ELN: variants seen among roughly 807,000 people sequenced by gnomAD.
ELN encodes the protein tropoelastin.
A neutral mutation model predicts 105.8 loss-of-function variants in ELN; 65 were observed. That is an observed-to-expected ratio of 0.61 (90% confidence interval 0.50 to 0.75). The LOEUF (loss-of-function observed/expected upper bound fraction) is 0.75. ELN is among the 30% of genes least tolerant of loss of function. The probability of loss-of-function intolerance (pLI) is 0.00; values close to 1 mark genes in which losing one functional copy is unlikely to be tolerated. For missense variants in ELN, 882 were observed against 969.4 expected (o/e 0.91, Z 1.20); for synonymous variants, 368 against 389.2 (o/e 0.95, Z 0.64).
At chr7:74,061,167 C>T in intron 26 of ELN, 28 bp downstream of exon 26, 1 of 1,613,820 alleles carries the variant, frequency 6.2e-7, no homozygotes, top group African/African-American at 1.3e-5. Context: ...CCACTTGTGG[C>T]TCCCTTGCCA....
At chr7:74,032,633 C>T (rs1788963781) in intron 1 of ELN, among the ~76,000 whole-genome samples, 1 of 152,194 alleles carries the variant, frequency 6.6e-6, no homozygotes, top group Admixed American at 6.5e-5. Context: ...TTGGCAAATG[C>T]CACCATCATC....
At chr7:74,047,791 C>A in intron 13 of ELN, 75 bp downstream of exon 13, 1 of 1,605,044 alleles carries the variant, frequency 6.2e-7, no homozygotes, top group Non-Finnish European at 8.5e-7. Context: ...TGCTGTGCTT[C>A]CAGCCCTGGG....
intron 1 of ELN, among the ~76,000 whole-genome samples, chr7:74,029,988 G>C (rs529179466): frequency 1.3e-5 from 2 of 152,178 alleles, no homozygotes; most frequent in African/African-American, 2.4e-5. Context: ...AAGGCTTGGG[G>C]CTGAGTCCTT....
At chr7:74,044,133 C>T (rs936620122) in intron 9 of ELN, among the ~76,000 whole-genome samples, 2 of 151,906 alleles carry the variant, frequency 1.3e-5, no homozygotes, top group African/African-American at 2.4e-5. Flanking sequence ...CCCAGCTACT[C>T]GGGAGGCTGA....
At chr7:74,057,604 AG>A (rs1563842857) in intron 21 of ELN, 35 bp from the exon 22 acceptor site, 2 of 1,612,976 alleles carry the variant, frequency 1.2e-6, no homozygotes, top group South Asian at 2.2e-5. Context: ...GGGGTGTGAG[AG>A]ATTACTCTCT....
intron 31 of ELN, 34 bp downstream of exon 31, chr7:74,066,031 G>A (rs1797868894): frequency 6.2e-7 from 1 of 1,613,898 alleles, no homozygotes; most frequent in Non-Finnish European, 8.5e-7. Flanking sequence ...GTAGTCCTCA[G>A]CTCTGTCCCG....
intron 8 of ELN, chr7:74,043,540 C>T (rs782590679): frequency 1.5e-6 from 1 of 669,380 alleles, no homozygotes; most frequent in South Asian, 1.5e-5. Context: ...TTCTGCCCCA[C>T]CAAGCCCTTT....
At chr7:74,037,587 G>A in intron 3 of ELN, 120 bp from the exon 4 acceptor site, 1 of 1,441,902 alleles carries the variant, frequency 6.9e-7, no homozygotes, top group South Asian at 1.2e-5. Context: ...CCAAGTCTGA[G>A]CGGGAGGACC....
At chr7:74,031,330 A>C (rs1181365330) in intron 1 of ELN, among the ~76,000 whole-genome samples, 1 of 152,240 alleles carries the variant, frequency 6.6e-6, no homozygotes, top group Non-Finnish European at 1.5e-5. Context: ...GGGGAAAAAA[A>C]GCATCAAATA....
At chr7:74,065,173 C>T (rs571218589) in intron 29 of ELN, among the ~76,000 whole-genome samples, 4 of 152,056 alleles carry the variant, frequency 2.6e-5, no homozygotes, top group South Asian at 2.1e-4. Flanking sequence ...CACTTGAACC[C>T]GGGAGTTCAG....
At chr7:74,064,379 C>T (rs1372311462) in intron 29 of ELN, among the ~76,000 whole-genome samples, 4 of 150,092 alleles carry the variant, frequency 2.7e-5, no homozygotes, top group Non-Finnish European at 5.9e-5. Context: ...CGCGCCACTG[C>T]ACTCCAGCCT....
At chr7:74,040,102 C>T (rs1554667635) in intron 4 of ELN, among the ~76,000 whole-genome samples, 1 of 152,192 alleles carries the variant, frequency 6.6e-6, no homozygotes. Flanking sequence ...AGGCTGGGAT[C>T]ATGGGAAAAA....
intron 32 of ELN, 65 bp from the exon 33 acceptor site, chr7:74,068,592 G>A (rs1156656286): frequency 6.2e-7 from 1 of 1,601,826 alleles, no homozygotes; most frequent in Non-Finnish European, 8.6e-7. Context: ...GTCAGAGCAG[G>A]CGGGGATTAG....
chr7:74,031,175 A>G (rs573618104), intron 1 of ELN, among the ~76,000 whole-genome samples: 1 of 152,126 alleles, frequency 6.6e-6, no homozygotes, highest in South Asian at 2.1e-4. Flanking sequence ...ATGGCCCTAC[A>G]TGTGACTTGG....
chr7:74,034,658 T>A (rs1250230587), intron 1 of ELN, among the ~76,000 whole-genome samples: 7 of 152,092 alleles, frequency 4.6e-5, no homozygotes, highest in Admixed American at 3.9e-4. Context: ...TGAGCTGAGA[T>A]CTTGCTACTG....
At chr7:74,050,029 C>G (rs1793624547) in intron 15 of ELN, among the ~76,000 whole-genome samples, 1 of 151,412 alleles carries the variant, frequency 6.6e-6, no homozygotes, top group Non-Finnish European at 1.5e-5. Flanking sequence ...ACCCACCCAT[C>G]CATTTCTCCA....
At chr7:74,058,541 G>A (rs555046612) in intron 22 of ELN, among the ~76,000 whole-genome samples, 3 of 151,914 alleles carry the variant, frequency 2.0e-5, no homozygotes, top group East Asian at 1.9e-4. Context: ...TTTTTGTAGC[G>A]ACAGCGGTCT....
intron 15 of ELN, among the ~76,000 whole-genome samples, chr7:74,050,459 A>G (rs1224248747): frequency 1.3e-5 from 2 of 150,004 alleles, no homozygotes; most frequent in African/African-American, 4.9e-5. Flanking sequence ...TGATTCTTCC[A>G]TCCATCCATC....
chr7:74,044,209 G>A (rs1791928269), intron 9 of ELN, among the ~76,000 whole-genome samples: 1 of 152,084 alleles, frequency 6.6e-6, no homozygotes, highest in Non-Finnish European at 1.5e-5. Flanking sequence ...CCACTGCACA[G>A]CAGCCTGGGT....
Sources: gnomAD v4.1 joint callset for allele counts (sites outside exome capture counted in the v4.1 genomes callset) on GRCh38, gnomAD v4.1.1 for gene constraint, MANE v1.5 for transcripts, NCBI Gene and HGNC (gene_info 2026-07-23, HGNC 2026-07-21) for gene names.